The following GPR35 variants were observed in gnomAD, a reference collection of about 807,000 sequenced individuals.
The protein encoded by GPR35 is G protein-coupled receptor 35, also known as KYNA receptor.
For missense variants in GPR35, 372 were observed against 422.5 expected (o/e 0.88, Z 1.05); for synonymous variants, 207 against 198.4 (o/e 1.04, Z -0.36).
rs74393031 is a variant in GPR35 at position 240,616,326 on chromosome 2, C to T, written c.-576-62C>T. The T allele has an allele frequency of 9.7e-4, 692 of 712,398 alleles. 2 individuals are homozygous for T. Among genetic ancestry groups the T allele is most frequent in the Non-Finnish European group, 1.6e-3 (602 of 388,308 alleles). 44.1% of individuals were successfully genotyped at this position (712,398 alleles called of 1,614,324 possible). A position where few individuals can be genotyped will look rare whatever the true frequency, so the allele number is the denominator to read the frequency against. On this transcript the variant is annotated intron_variant, in intron 2 of 5. Coordinates refer to the GPR35 transcript ENST00000319838. ...CATACGAGGTCCCCGCGGTCCCGGC[C>T]GACATACCTGTTGGGTTCTTAGTTG...
chr2:240,611,853 T>G (rs1190511907), intron 2 of GPR35, among the ~76,000 whole-genome samples: 1 of 152,090 alleles, frequency 6.6e-6, no homozygotes, highest in Admixed American at 6.5e-5. Context: ...AACAAGGTAG[T>G]CTGTGGATGC....
At position 240,630,525 on chromosome 2, in the gene GPR35, C is replaced by T. The variant is rs771528328; in HGVS notation, c.573C>T (p.Ser191=). ...CCCTGGCCGTGGTGGTCTTCTGCTC[C>T]CTGAAGGTGGTGACTGCCCTGGCCC... ...YLPLAVVVFC[S]LKVVTALAQR... Residue 191 remains serine (S), a synonymous_variant, in exon 2 of 2, where the codon TCC becomes TCT. Coordinates refer to ENST00000407714, the MANE Select transcript of GPR35 (RefSeq NM_005301.5). 3 of 1,612,810 alleles carry T rather than the reference C, an allele frequency of 1.9e-6. No individual in the cohort carries two copies. In the East Asian group the frequency reaches 6.7e-5, roughly 36 times the overall value.
At chr2:240,606,113 G>A (rs1357578510) in intron 1 of GPR35, among the ~76,000 whole-genome samples, 2 of 152,212 alleles carry the variant, frequency 1.3e-5, no homozygotes, top group Non-Finnish European at 2.9e-5. Context: ...GGTATAGCCA[G>A]TGTCCACATA....
upstream of GPR35, chr2:240,625,306 G>A (rs1052616777): frequency 1.5e-5 from 15 of 985,412 alleles, no homozygotes; most frequent in Admixed American, 6.2e-5. Flanking sequence ...ACAGGCAGCC[G>A]GCACCCCACT....
intron 2 of GPR35, among the ~76,000 whole-genome samples, chr2:240,615,955 A>G (rs185606160): frequency 1.5e-3 from 229 of 152,338 alleles, no homozygotes; most frequent in Non-Finnish European, 1.5e-3. Flanking sequence ...CTGCAGGCCA[A>G]AATCCTCTGT....
intron 2 of GPR35, among the ~76,000 whole-genome samples, chr2:240,614,892 G>GTATATATGTA (rs1216626333): frequency 1.3e-5 from 2 of 152,026 alleles, no homozygotes; most frequent in African/African-American, 4.8e-5. Context: ...ATGTGTATGT[G>GTATATATGTA]TATATATGTA....
rs1007668869 is a variant in GPR35, at chr2:240,632,401, C to A, written c.*1519C>A. Among the ~76,000 whole-genome samples the A allele has an allele frequency of 4.6e-5, 7 of 151,290 alleles. No homozygotes were observed. The highest frequency in any genetic ancestry group is 1.7e-4 in the African/African-American group (7 of 41,076). Reference sequence around the variant, plus strand: ...GCTCCATGTCAAGAAAGATTCATGCCTAGGAGGGTTCATGCCCAGGAGTGT... The same window carrying A: ...GCTCCATGTCAAGAAAGATTCATGCATAGGAGGGTTCATGCCCAGGAGTGT... On this transcript the variant is annotated 3_prime_UTR_variant, in exon 2 of 2. Transcript: ENST00000407714.
upstream of GPR35, among the ~76,000 whole-genome samples, chr2:240,624,604 G>A (rs1320884660): frequency 6.6e-6 from 1 of 152,212 alleles, no homozygotes; most frequent in Non-Finnish European, 1.5e-5. Context: ...AAGTGGGGAG[G>A]GGTGAAACTG....
chr2:240,626,416 G>T (rs1175777133), intron 1 of GPR35, among the ~76,000 whole-genome samples: 4 of 151,642 alleles, frequency 2.6e-5, no homozygotes, highest in Non-Finnish European at 5.9e-5. Context: ...GGCTGTGATG[G>T]GGTCTCAGAG....
At chr2:240,616,633 G>T (rs1422289463) in intron 3 of GPR35, 7 of 675,796 alleles carry the variant, frequency 1.0e-5, no homozygotes, top group African/African-American at 1.8e-5. Context: ...CACGAATGTG[G>T]CAGGAAGCTG....
At chr2:240,628,647 GC>G (rs1355875863) in intron 1 of GPR35, 2 of 152,242 alleles carry the variant, frequency 1.3e-5, no homozygotes, top group Non-Finnish European at 2.9e-5. Context: ...GGGTTTGGGC[GC>G]TCTCCCCTCC....
chr2:240,617,316 A>T, exon 4 of GPR35: 1 of 702,406 alleles, frequency 1.4e-6, no homozygotes, highest in South Asian at 1.5e-5. Context: ...CAGAGGACCC[A>T]GTTTGGCAGA....
intron 5 of GPR35, among the ~76,000 whole-genome samples, chr2:240,619,600 G>A (rs2043271163): frequency 6.6e-6 from 1 of 152,258 alleles, no homozygotes; most frequent in Non-Finnish European, 1.5e-5. Flanking sequence ...CTGCCCCGGG[G>A]AGGACGTGGG....
At position 240,619,605 on chromosome 2, in the gene GPR35, C is replaced by T. The variant is rs566537844; in HGVS notation, c.-5+574C>T. On this transcript the variant is annotated intron_variant, in intron 5 of 5. Transcript: ENST00000319838. ...CGGGATCCTGCTGCCCCGGGGAGGA[C>T]GTGGGGAAAATCCCTGCTGGAGGGA... Among the ~76,000 whole-genome samples the T allele has an allele frequency of 2.0e-4, 30 of 152,358 alleles. 1 individual carries two copies. The highest frequency in any genetic ancestry group is 1.2e-3 in the Admixed American group (19 of 15,308).
At chr2:240,623,307 GGGCGCAAACA>G (rs1396703601), upstream of GPR35, among the ~76,000 whole-genome samples, 1,672 of 113,618 alleles carry the variant, frequency 0.015, 139 homozygotes, top group African/African-American at 0.029. Context: ...CAGGTCATGA[GGGCGCAAACA>G]GGTCGTGAGG....
intron 2 of GPR35, among the ~76,000 whole-genome samples, chr2:240,608,149 C>T (rs1164664305): frequency 6.6e-6 from 1 of 152,176 alleles, no homozygotes; most frequent in Non-Finnish European, 1.5e-5. Flanking sequence ...ACTTCAGCCT[C>T]CCCACATGTT....
chr2:240,610,106 C>G (rs895074007), intron 2 of GPR35, among the ~76,000 whole-genome samples: 28 of 152,024 alleles, frequency 1.8e-4, no homozygotes, highest in African/African-American at 6.8e-4. Context: ...ATTACAGGTG[C>G]CCACCACTGC....
upstream of GPR35, among the ~76,000 whole-genome samples, chr2:240,623,871 T>TC (rs2043337072): frequency 6.6e-6 from 1 of 152,168 alleles, no homozygotes; most frequent in African/African-American, 2.4e-5. Context: ...GGGCTTCCCT[T>TC]CCAGTGTGTG....
intron 1 of GPR35, chr2:240,629,725 AGAGCTCAGGAGATGG>A: frequency 2.3e-6 from 1 of 428,440 alleles, no homozygotes; most frequent in Admixed American, 3.7e-5. Context: ...CCAGGAGAGA[AGAGCTCAGGAGATGG>A]GAAGAGGATC....
Sources: allele counts gnomAD v4.1 joint callset (sites outside exome capture counted in the v4.1 genomes callset), GRCh38; gene constraint gnomAD v4.1.1; transcripts MANE v1.5; gene names NCBI Gene and HGNC (gene_info 2026-07-23, HGNC 2026-07-21).